Variants in PRKCB observed in about 807,000 individuals in gnomAD.
PRKCB encodes protein kinase C beta, also known as protein kinase C beta type.
A neutral mutation model predicts 81.5 loss-of-function variants in PRKCB; 13 were observed. The observed-to-expected ratio is 0.16, with a 90% CI of 0.10 to 0.25. PRKCB has a LOEUF of 0.25. Ranked by LOEUF, PRKCB falls within the 10% of genes least tolerant of loss-of-function variation. The probability of loss-of-function intolerance (pLI) is 1.00; values close to 1 mark genes in which losing one functional copy is unlikely to be tolerated. For synonymous variants in PRKCB, 335 were observed against 321.4 expected (o/e 1.04, Z -0.45); for missense variants, 509 against 875.7 (o/e 0.58, Z 5.29).
intron 7 of PRKCB, among the ~76,000 whole-genome samples, chr16:24,096,652 C>CAAAAAAA (rs1219127854): frequency 1.2e-4 from 5 of 41,806 alleles, no homozygotes; most frequent in Non-Finnish European, 1.8e-4. Flanking sequence ...CTTCCTATGG[C>CAAAAAAA]AAAAAAAAAA....
intron 8 of PRKCB, among the ~76,000 whole-genome samples, chr16:24,114,886 G>T (rs1966718762): frequency 6.6e-6 from 1 of 151,288 alleles, no homozygotes; most frequent in African/African-American, 2.4e-5. Flanking sequence ...ACCATGTAAA[G>T]TCCTGGGAAA....
intron 4 of PRKCB, among the ~76,000 whole-genome samples, chr16:24,033,507 A>T (rs1306877826): frequency 6.6e-6 from 1 of 152,168 alleles, no homozygotes; most frequent in Non-Finnish European, 1.5e-5. Context: ...CACTCCTGTA[A>T]TCCCAACACT....
intron 16 of PRKCB, among the ~76,000 whole-genome samples, chr16:24,192,011 T>C (rs1326051553): frequency 1.3e-5 from 2 of 152,208 alleles, no homozygotes; most frequent in Non-Finnish European, 2.9e-5. Flanking sequence ...AGGGCAGACT[T>C]GGTGACTCAA....
At chr16:24,017,892 ATTTTTT>A (rs35809970) in intron 3 of PRKCB, among the ~76,000 whole-genome samples, 1 of 113,262 alleles carries the variant, frequency 8.8e-6, no homozygotes, top group East Asian at 2.3e-4. Context: ...ACCATAACTA[ATTTTTT>A]TTTTTTTTTT....
At chr16:24,077,288 GATA>G (rs1050574251) in intron 5 of PRKCB, among the ~76,000 whole-genome samples, 5 of 152,098 alleles carry the variant, frequency 3.3e-5, no homozygotes, top group Non-Finnish European at 4.4e-5. Flanking sequence ...GTAAAATTAT[GATA>G]ATAAGAAAAT....
chr16:24,119,305 G>T (rs1966770806), intron 8 of PRKCB, among the ~76,000 whole-genome samples: 1 of 152,020 alleles, frequency 6.6e-6, no homozygotes, highest in Non-Finnish European at 1.5e-5. Flanking sequence ...GCTGTTAGCT[G>T]CTCCTTGAAG....
intron 9 of PRKCB, among the ~76,000 whole-genome samples, chr16:24,142,519 C>A (rs1966915938): frequency 6.6e-6 from 1 of 152,170 alleles, no homozygotes; most frequent in South Asian, 2.1e-4. Flanking sequence ...TCTCTCTGTC[C>A]TCCTCCAGTG....
At chr16:24,144,106 G>A (rs143090189) in intron 9 of PRKCB, among the ~76,000 whole-genome samples, 9 of 151,808 alleles carry the variant, frequency 5.9e-5, no homozygotes, top group Admixed American at 4.6e-4. Context: ...TTGGTTTCCA[G>A]GAAGCAGAAA....
intron 5 of PRKCB, among the ~76,000 whole-genome samples, chr16:24,066,077 G>A: frequency 9.5e-6 from 1 of 105,342 alleles, no homozygotes; most frequent in Non-Finnish European, 1.9e-5. Context: ...TGATGTTCCT[G>A]TGTGTGTGTG....
intron 2 of PRKCB, among the ~76,000 whole-genome samples, chr16:23,902,836 C>T (rs1301294787): frequency 7.2e-6 from 1 of 138,170 alleles, no homozygotes; most frequent in East Asian, 2.3e-4. Context: ...TAGGGTCTCA[C>T]TCTGTCACCC....
chr16:24,081,965 T>C (rs1462944447), intron 5 of PRKCB, among the ~76,000 whole-genome samples: 1 of 152,164 alleles, frequency 6.6e-6, no homozygotes, highest in Non-Finnish European at 1.5e-5. Context: ...GTATTGTTTA[T>C]GTAGAAAATC....
At chr16:24,045,817 C>T (rs966629039) in intron 5 of PRKCB, among the ~76,000 whole-genome samples, 1 of 152,224 alleles carries the variant, frequency 6.6e-6, no homozygotes, top group Non-Finnish European at 1.5e-5. Flanking sequence ...TGCAGAGGAT[C>T]GCAGTGAGAC....
chr16:23,862,781 G>A (rs781676828), intron 2 of PRKCB, among the ~76,000 whole-genome samples: 2 of 152,024 alleles, frequency 1.3e-5, no homozygotes, highest in South Asian at 4.1e-4. Flanking sequence ...TCCATCTTGA[G>A]TAAGGGCTAG....
chr16:24,138,246 C>G (rs1009715698), intron 9 of PRKCB, among the ~76,000 whole-genome samples: 1 of 152,150 alleles, frequency 6.6e-6, no homozygotes, highest in Non-Finnish European at 1.5e-5. Context: ...GTGCTGAAAC[C>G]CGTTCTCTAT....
intron 2 of PRKCB, among the ~76,000 whole-genome samples, chr16:23,878,868 G>A (rs372683355): frequency 1.2e-4 from 18 of 152,050 alleles, no homozygotes; most frequent in Non-Finnish European, 2.1e-4. Flanking sequence ...CACAGCCTGC[G>A]TCCTTAAGAG....
intron 10 of PRKCB, among the ~76,000 whole-genome samples, chr16:24,169,061 T>C (rs946333513): frequency 7.9e-5 from 12 of 151,980 alleles, no homozygotes; most frequent in African/African-American, 2.7e-4. Flanking sequence ...AGTCAGTCTG[T>C]TAGAGATTAT....
intron 5 of PRKCB, among the ~76,000 whole-genome samples, chr16:24,062,194 G>A (rs1470676895): frequency 6.6e-6 from 1 of 152,180 alleles, no homozygotes; most frequent in East Asian, 1.9e-4. Context: ...GGGTCTTCTG[G>A]GAGGTTCTTG....
Position 24,215,013 on chromosome 16 carries a change from A to G in PRKCB, c.*197A>G, listed in dbSNP as rs1968202916. On this transcript the variant is annotated 3_prime_UTR_variant, in exon 17 of 17. Transcript: ENST00000643927. ...TGAGATGGGATTATGCAGATGGCCT[A>G]TGGAAAATGCAGCTGCATAATTAAC... is the stretch of plus-strand genomic sequence containing the variant. 3 of 1,373,344 alleles carry G rather than the reference A, an allele frequency of 2.2e-6. No homozygotes were observed. The highest frequency in any genetic ancestry group is 3.7e-5 in the South Asian group (2 of 54,702). 85.1% of individuals were successfully genotyped at this position (1,373,344 alleles called of 1,614,324 possible).
intron 3 of PRKCB, among the ~76,000 whole-genome samples, chr16:24,007,623 A>G (rs1199709066): frequency 6.6e-6 from 1 of 152,232 alleles, no homozygotes. Context: ...AAGCAAATCC[A>G]TGATGCTGGA....
Sources: gnomAD v4.1 joint callset for allele counts (sites outside exome capture counted in the v4.1 genomes callset) on GRCh38, gnomAD v4.1.1 for gene constraint, MANE v1.5 for transcripts, NCBI Gene and HGNC (gene_info 2026-07-23, HGNC 2026-07-21) for gene names.